CELF2: variants seen among roughly 807,000 people sequenced by gnomAD.
CELF2 encodes CUG triplet repeat RNA-binding protein 2.
Under a neutral mutation model 62.6 loss-of-function variants are expected in CELF2, and 8 were observed. The ratio of observed to expected loss-of-function variants is 0.13; its 90% CI spans 0.07 to 0.23. CELF2 has a LOEUF of 0.23. Ranked by LOEUF, CELF2 falls within the 10% of genes least tolerant of loss-of-function variation. CELF2 has a pLI of 1.00. For missense variants in CELF2, 333 were observed against 671.0 expected (o/e 0.50, Z 5.56); for synonymous variants, 258 against 250.0 (o/e 1.03, Z -0.30).
rs149777859 is a variant in CELF2, at chr10:10,978,132, T to C, written c.89+58133T>C. Among the ~76,000 whole-genome samples, 57 of 151,360 alleles carry C rather than the reference T, an allele frequency of 3.8e-4. No individual in the cohort carries two copies. The South Asian group carries it at 6.0e-3, about 16-fold the overall frequency. ...TACAGGAATGTGTCTATGAAATTAC[T>C]GTACTTGACTCATCCTGAAATTACG... On this transcript the variant is annotated intron_variant, in intron 2 of 13. Coordinates refer to the CELF2 transcript ENST00000636488.
chr10:10,574,114 A>G, the CELF2 span, among the ~76,000 whole-genome samples: 14,528 of 152,270 alleles, frequency 0.095, 818 homozygotes, highest in Non-Finnish European at 0.13. Context: ...CTCAGAAGAC[A>G]TATTTCATAG....
intron 1 of CELF2, among the ~76,000 whole-genome samples, chr10:10,853,525 C>T (rs546554201): frequency 3.3e-5 from 5 of 152,010 alleles, no homozygotes; most frequent in South Asian, 2.1e-4. Context: ...TAACTACACT[C>T]GTAGAATGGT....
intron 2 of CELF2, among the ~76,000 whole-genome samples, chr10:10,985,977 G>A (rs558691659): frequency 9.6e-4 from 146 of 152,262 alleles, no homozygotes; most frequent in African/African-American, 2.8e-3. Flanking sequence ...CTACTGTATA[G>A]AAATGCCGGT....
chr10:10,771,796 G>T, the CELF2 span, among the ~76,000 whole-genome samples: 2 of 152,188 alleles, frequency 1.3e-5, no homozygotes, highest in African/African-American at 4.8e-5. Context: ...TTTGTAAATT[G>T]CCCAGTCTTG....
rs908090608 is a variant in CELF2 at position 11,300,879 on chromosome 10, C to T, written c.976+12327C>T. Among the ~76,000 whole-genome samples the T allele has an allele frequency of 1.3e-5, 2 of 152,216 alleles. No individual in the cohort carries two copies. Among genetic ancestry groups the T allele is most frequent in the African/African-American group, 4.8e-5 (2 of 41,452 alleles). ...AAACCACAAAGCCACTGTGTTTTCACTATCTAATTGTTCTGTGGAAAGTGT... is the reference window on the plus strand; with the variant it reads ...AAACCACAAAGCCACTGTGTTTTCATTATCTAATTGTTCTGTGGAAAGTGT... On this transcript the variant is annotated intron_variant, in intron 9 of 12. Transcript: ENST00000633077. This position sits in a 1 kb window ranked among gnomAD's most constrained non-coding sequence, Gnocchi z 5.5.
At chr10:11,086,578 T>TAAAAA (rs1168932032) in intron 1 of CELF2, among the ~76,000 whole-genome samples, 4,658 of 71,790 alleles carry the variant, frequency 0.065, 765 homozygotes, top group East Asian at 0.32. Flanking sequence ...TTGCATTTGT[T>TAAAAA]AAAAAAAAAA....
chr10:10,497,628 G>A, the CELF2 span, among the ~76,000 whole-genome samples: 1 of 152,124 alleles, frequency 6.6e-6, no homozygotes, highest in Admixed American at 6.5e-5. Flanking sequence ...GGAGGAGCCG[G>A]CCACACCGCT....
chr10:11,059,530 G>A (rs1594308635), intron 1 of CELF2, among the ~76,000 whole-genome samples: 1 of 152,184 alleles, frequency 6.6e-6, no homozygotes, highest in African/African-American at 2.4e-5. Context: ...GAGAATTCTG[G>A]TGAGATGGTG....
chr10:11,101,888 A>C (rs1024898227), intron 1 of CELF2, among the ~76,000 whole-genome samples: 1 of 152,234 alleles, frequency 6.6e-6, no homozygotes, highest in Non-Finnish European at 1.5e-5. Context: ...TGACAGGAAA[A>C]TATCATTATT....
chr10:11,225,800 C>T (rs185484564), intron 3 of CELF2, among the ~76,000 whole-genome samples: 2 of 152,310 alleles, frequency 1.3e-5, no homozygotes, highest in East Asian at 1.9e-4. Context: ...CCTCAGCTAA[C>T]ATGGGTAAGT....
intron 2 of CELF2, among the ~76,000 whole-genome samples, chr10:10,962,563 TA>T (rs1468465525): frequency 6.6e-6 from 1 of 151,944 alleles, no homozygotes; most frequent in African/African-American, 2.4e-5. Context: ...TCTCTACAAA[TA>T]AAAAATATTA....
At chr10:10,916,489 A>G (rs961872386) in intron 1 of CELF2, among the ~76,000 whole-genome samples, 1 of 152,174 alleles carries the variant, frequency 6.6e-6, no homozygotes, top group African/African-American at 2.4e-5. Flanking sequence ...TTTCCCCAGC[A>G]TCTATCTTTT....
At chr10:10,745,330 T>A in the CELF2 span, among the ~76,000 whole-genome samples, 1 of 152,178 alleles carries the variant, frequency 6.6e-6, no homozygotes, top group Admixed American at 6.5e-5. Context: ...ATTATTTTCC[T>A]TTCATTACTC....
At chr10:10,629,795 G>T in the CELF2 span, among the ~76,000 whole-genome samples, 16 of 128,656 alleles carry the variant, frequency 1.2e-4, no homozygotes, top group African/African-American at 4.7e-4. Context: ...TGGACACATT[G>T]CACGTGATGT....
chr10:11,005,033 C>T, upstream of CELF2: 2 of 984,514 alleles, frequency 2.0e-6, no homozygotes, highest in South Asian at 4.7e-5. This position sits in a 1 kb window ranked among gnomAD's most constrained non-coding sequence, Gnocchi z 4.3. Context: ...TTTTTTTGTT[C>T]CCCCAATTTT....
the CELF2 span, among the ~76,000 whole-genome samples, chr10:10,491,742 C>G: frequency 3.3e-5 from 5 of 152,188 alleles, no homozygotes; most frequent in Non-Finnish European, 4.4e-5. Flanking sequence ...AGTTAAGCCA[C>G]ATTGACAAAA....
intron 4 of CELF2, among the ~76,000 whole-genome samples, chr10:11,249,737 C>T (rs766102963): frequency 2.6e-5 from 4 of 152,138 alleles, no homozygotes; most frequent in Admixed American, 6.5e-5. Flanking sequence ...ATTAAATAAG[C>T]GTACACTTGG....
chr10:10,603,164 A>T, the CELF2 span, among the ~76,000 whole-genome samples: 3 of 118,370 alleles, frequency 2.5e-5, no homozygotes, highest in Admixed American at 2.8e-4. Context: ...AAATGTGTGC[A>T]TATTGAACAC....
intron 2 of CELF2, among the ~76,000 whole-genome samples, chr10:11,208,787 G>A (rs1269262483): frequency 6.6e-6 from 1 of 152,202 alleles, no homozygotes; most frequent in Non-Finnish European, 1.5e-5. Flanking sequence ...GCTGGGCTTA[G>A]GGGAGGCTGG....
Sources: gnomAD v4.1 joint callset for allele counts (sites outside exome capture counted in the v4.1 genomes callset) on GRCh38, gnomAD v4.1.1 for gene constraint, Gnocchi (gnomAD v3.1) non-coding constraint, MANE v1.5 for transcripts, NCBI Gene and HGNC (gene_info 2026-07-23, HGNC 2026-07-21) for gene names.